MGST1: variants seen among roughly 807,000 people sequenced by gnomAD.
The protein encoded by MGST1 is glutathione S-transferase 12.
A neutral mutation model predicts 8.9 loss-of-function variants in MGST1; 5 were observed. The observed-to-expected ratio is 0.56, with a 90% CI of 0.29 to 1.19. The LOEUF is 1.19. MGST1 is among the 50% of genes most tolerant of loss of function. The probability of loss-of-function intolerance (pLI) is 0.08; values close to 1 mark genes in which losing one functional copy is unlikely to be tolerated. For missense variants in MGST1, 182 were observed against 187.4 expected (o/e 0.97, Z 0.17); for synonymous variants, 54 against 67.8 (o/e 0.80, Z 1.00).
rs150111656 is a variant in MGST1 at position 16,546,846 on chromosome 12, C to T, written n.483-42682C>T. Among the ~76,000 whole-genome samples the T allele has an allele frequency of 1.2e-3, 181 of 151,184 alleles. No homozygotes were observed. The highest frequency in any genetic ancestry group is 4.4e-3 in the African/African-American group (180 of 41,352). The stretch of plus-strand genomic sequence containing the variant: ...CACAAACCCACCCCAACCAAGCCTG[C>T]CAAAAGCAAAAAAATGTCATTTTGT... On this transcript the variant is annotated intron_variant and non_coding_transcript_variant, in intron 4 of 4. Coordinates refer to the MGST1 transcript ENST00000538857. This position sits in a 1 kb window ranked among gnomAD's most constrained non-coding sequence, Gnocchi z 4.7.
At chr12:16,516,204 T>C (rs1218277300) in intron 4 of MGST1, among the ~76,000 whole-genome samples, 1 of 152,184 alleles carries the variant, frequency 6.6e-6, no homozygotes, top group African/African-American at 2.4e-5. Flanking sequence ...TAAGGGCGCT[T>C]CACACAAAAG....
At chr12:16,395,780 C>CATACATATATATATATATAT (rs1940598425) in intron 1 of MGST1, among the ~76,000 whole-genome samples, 2 of 121,898 alleles carry the variant, frequency 1.6e-5, no homozygotes, top group South Asian at 2.7e-4. Flanking sequence ...AGTATTCCAT[C>CATACATATATATATATATAT]ATATATATAT....
chr12:16,489,271 T>A (rs1160883779), intron 4 of MGST1, among the ~76,000 whole-genome samples: 1 of 152,128 alleles, frequency 6.6e-6, no homozygotes, highest in Non-Finnish European at 1.5e-5. Flanking sequence ...AAGATGGTAC[T>A]AGGGTTTATG....
downstream of MGST1, among the ~76,000 whole-genome samples, chr12:16,378,702 A>G (rs1446301324): frequency 1.3e-5 from 2 of 148,574 alleles, no homozygotes; most frequent in African/African-American, 5.0e-5. Context: ...TGGTAGCTTG[A>G]TGGGGATGGC....
At chr12:16,514,263 C>A in intron 4 of MGST1, 1 of 278,736 alleles carries the variant, frequency 3.6e-6, no homozygotes. Context: ...CCATGGTTTG[C>A]AAAGACGCAG....
At chr12:16,405,390 A>C (rs1203819428) in intron 1 of MGST1, among the ~76,000 whole-genome samples, 1 of 152,110 alleles carries the variant, frequency 6.6e-6, no homozygotes, top group Non-Finnish European at 1.5e-5. Flanking sequence ...CTCTTAACAG[A>C]TAATAATGAG....
In MGST1 at chr12:16,363,691, A is replaced by T; in HGVS notation, c.222-104A>T. 1.1e-6 allele frequency: 1 copy of T among 938,210 alleles called. No individual in the cohort carries two copies. Among genetic ancestry groups the T allele is most frequent in the Non-Finnish European group, 1.5e-6 (1 of 669,742 alleles). 58.1% of individuals were successfully genotyped at this position (938,210 alleles called of 1,614,324 possible). A position where few individuals can be genotyped will look rare whatever the true frequency, so the allele number is the denominator to read the frequency against. On this transcript the variant is annotated intron_variant, in intron 3 of 3. Coordinates refer to ENST00000396210, the MANE Select transcript of MGST1 (RefSeq NM_020300.5). The surrounding 1 kb of genome is among the most constrained non-coding windows in gnomAD (Gnocchi z 4.6). Reference sequence around the variant, plus strand: ...AAAAATAAATCTTACTTTGAAATTTAAGGATCCATTAGTGCTCAGATTTAG... The same window carrying T: ...AAAAATAAATCTTACTTTGAAATTTTAGGATCCATTAGTGCTCAGATTTAG...
At chr12:16,592,112 A>C (rs1174124352), downstream of MGST1, among the ~76,000 whole-genome samples, 1 of 152,092 alleles carries the variant, frequency 6.6e-6, no homozygotes, top group African/African-American at 2.4e-5. Context: ...TTTGTACTTT[A>C]TATATTATAC....
chr12:16,472,996 C>T (rs562330822), intron 4 of MGST1, among the ~76,000 whole-genome samples: 5 of 152,328 alleles, frequency 3.3e-5, no homozygotes, highest in Admixed American at 1.3e-4. Context: ...AGAATAAACA[C>T]TTCTTCCAGC....
chr12:16,468,064 C>T (rs955691087), intron 4 of MGST1, among the ~76,000 whole-genome samples: 4 of 152,128 alleles, frequency 2.6e-5, no homozygotes, highest in Non-Finnish European at 4.4e-5. Context: ...GGCCAACTAT[C>T]GCAAAACAAC....
rs184960785 is a variant in MGST1 at position 16,505,719 on chromosome 12, C to T, written n.483-83809C>T. On this transcript the variant is annotated intron_variant and non_coding_transcript_variant, in intron 4 of 4. Coordinates refer to the MGST1 transcript ENST00000538857. The stretch of plus-strand genomic sequence containing the variant: ...CTGTAATTCATCCTCATACTGTCAA[C>T]GACTCTGTGAAGCTATCTTTCTAAA... Among the ~76,000 whole-genome samples, 64 of 152,298 alleles carry T rather than the reference C, an allele frequency of 4.2e-4. No individual in the cohort carries two copies. In the East Asian group the frequency reaches 8.5e-3, roughly 20 times the overall value.
intron 4 of MGST1, among the ~76,000 whole-genome samples, chr12:16,526,155 C>A (rs1941685975): frequency 6.7e-6 from 1 of 150,188 alleles, no homozygotes; most frequent in East Asian, 2.0e-4. Flanking sequence ...TTAATTAGAT[C>A]CCATTTGTCA....
At chr12:16,403,632 G>A (rs1359085311) in intron 1 of MGST1, among the ~76,000 whole-genome samples, 5 of 151,912 alleles carry the variant, frequency 3.3e-5, no homozygotes, top group Admixed American at 2.6e-4. Flanking sequence ...TTTTCATACT[G>A]CTATAAAGAA....
At position 16,553,638 on chromosome 12, in the gene MGST1, C is replaced by T. The variant is rs186390879; in HGVS notation, n.483-35890C>T. On this transcript the variant is annotated intron_variant and non_coding_transcript_variant, in intron 4 of 4. Transcript: ENST00000538857. ...AGGGATGTCACACTTGCACATATGA[C>T]TCAAACAAAACAGCCTTGAAAGCTG... Among the ~76,000 whole-genome samples, 764 of 152,190 alleles carry T rather than the reference C, an allele frequency of 5.0e-3. 1 individual carries two copies. Among genetic ancestry groups the T allele is most frequent in the Middle Eastern group, 0.014 (4 of 294 alleles).
At position 16,482,049 on chromosome 12, in the gene MGST1, G is replaced by T. The variant is rs557802705; in HGVS notation, n.482+98445G>T. On this transcript the variant is annotated intron_variant and non_coding_transcript_variant, in intron 4 of 4. Coordinates refer to the MGST1 transcript ENST00000538857. The surrounding 1 kb of genome is among the most constrained non-coding windows in gnomAD (Gnocchi z 4.2). ...AAGCAGATTGACAATGTAAGCTAAG[G>T]CATATAAAATAATAACATTGAGGTG... is the stretch of plus-strand genomic sequence containing the variant. 2.8e-4 allele frequency among the ~76,000 whole-genome samples: 42 copies of T among 152,214 alleles called. No homozygotes were observed. Among genetic ancestry groups the T allele is most frequent in the African/African-American group, 9.9e-4 (41 of 41,546 alleles).
intron 1 of MGST1, chr12:16,400,924 C>T: frequency 1.6e-6 from 2 of 1,286,880 alleles, no homozygotes; most frequent in East Asian, 2.3e-5. Flanking sequence ...TCTGAATCTC[C>T]TGTTCTCCCT....
At chr12:16,390,013 C>T (rs926567765) in intron 1 of MGST1, among the ~76,000 whole-genome samples, 2 of 152,198 alleles carry the variant, frequency 1.3e-5, no homozygotes, top group East Asian at 1.9e-4. Flanking sequence ...CACGAAGGCT[C>T]ATTTTGATAT....
intron 4 of MGST1, chr12:16,551,255 T>C: frequency 6.2e-7 from 1 of 1,612,910 alleles, no homozygotes; most frequent in East Asian, 2.2e-5. Flanking sequence ...CTTCTTTCAT[T>C]AAACCTTCCT....
At chr12:16,432,779 G>A (rs73318738) in intron 1 of MGST1, among the ~76,000 whole-genome samples, 1,622 of 150,932 alleles carry the variant, frequency 0.011, 39 homozygotes, top group African/African-American at 0.038. Flanking sequence ...AGAATCAATA[G>A]GCTGTGTAGA....
Sources: gnomAD v4.1 joint callset for allele counts (sites outside exome capture counted in the v4.1 genomes callset) on GRCh38, gnomAD v4.1.1 for gene constraint, Gnocchi (gnomAD v3.1) non-coding constraint, MANE v1.5 for transcripts, NCBI Gene and HGNC (gene_info 2026-07-23, HGNC 2026-07-21) for gene names.